The following SPATA16 variants were observed in gnomAD, a reference collection of about 807,000 sequenced individuals.
The protein encoded by SPATA16 is spermatogenesis-associated protein 16.
A neutral mutation model predicts 63.3 loss-of-function variants in SPATA16; 36 were observed. The observed-to-expected ratio is 0.57, with a 90% CI of 0.44 to 0.75. SPATA16 has a LOEUF of 0.75. Ranked by LOEUF, SPATA16 falls within the 30% of genes least tolerant of loss-of-function variation. SPATA16 has a pLI of 0.00. For missense variants in SPATA16, 646 were observed against 679.3 expected (o/e 0.95, Z 0.54); for synonymous variants, 203 against 216.7 (o/e 0.94, Z 0.56).
At chr3:173,130,294 AG>A (rs762206917) in intron 1 of SPATA16, among the ~76,000 whole-genome samples, 85 of 131,546 alleles carry the variant, frequency 6.5e-4, no homozygotes, top group Non-Finnish European at 1.1e-3. Flanking sequence ...TGAGAGTCAG[AG>A]GTTGCAGTGA....
chr3:172,990,044 C>G (rs887178108), intron 4 of SPATA16, among the ~76,000 whole-genome samples: 2 of 152,266 alleles, frequency 1.3e-5, no homozygotes, highest in African/African-American at 4.8e-5. Flanking sequence ...TCTTAGAGCC[C>G]TCTAAGTCTC....
intron 6 of SPATA16, among the ~76,000 whole-genome samples, chr3:172,928,728 GT>G (rs1462991297): frequency 6.6e-6 from 1 of 152,056 alleles, no homozygotes; most frequent in Non-Finnish European, 1.5e-5. Context: ...AATATTCTCT[GT>G]TCCTTCTGAT....
At chr3:173,118,510 G>A (rs893564067) in intron 1 of SPATA16, among the ~76,000 whole-genome samples, 8 of 152,130 alleles carry the variant, frequency 5.3e-5, no homozygotes, top group African/African-American at 1.9e-4. Flanking sequence ...TGCATGCTAT[G>A]TGCTTCTAGA....
intron 2 of SPATA16, among the ~76,000 whole-genome samples, chr3:173,100,660 GCACACACACACACACACA>G (rs3980195): frequency 0.031 from 4,104 of 134,154 alleles, 157 homozygotes; most frequent in African/African-American, 0.1. Flanking sequence ...CACATAAACA[GCACACACACACACACACA>G]CACACACACA....
intron 2 of SPATA16, among the ~76,000 whole-genome samples, chr3:173,054,849 T>C (rs1271405642): frequency 1.3e-5 from 2 of 151,966 alleles, no homozygotes; most frequent in Non-Finnish European, 2.9e-5. Flanking sequence ...AATTCACCAA[T>C]ATAGACCATA....
chr3:173,113,522 A>G (rs1291547619), intron 2 of SPATA16, among the ~76,000 whole-genome samples: 4 of 152,228 alleles, frequency 2.6e-5, no homozygotes, highest in African/African-American at 7.2e-5. Flanking sequence ...CAAAATCCTA[A>G]AAGACTAAAG....
intron 3 of SPATA16, among the ~76,000 whole-genome samples, chr3:173,022,798 C>G (rs933568632): frequency 5.9e-5 from 9 of 151,342 alleles, no homozygotes; most frequent in Non-Finnish European, 1.0e-4. Flanking sequence ...GCTGATTGGT[C>G]TGATTTTATC....
At chr3:173,040,769 TAATAAGA>T (rs919271437) in intron 3 of SPATA16, among the ~76,000 whole-genome samples, 1 of 152,126 alleles carries the variant, frequency 6.6e-6, no homozygotes, top group Admixed American at 6.6e-5. Context: ...AGGGAAATGG[TAATAAGA>T]AAACCTTCTC....
rs1196740135 is a variant in SPATA16 at position 173,068,966 on chromosome 3, C to T, written c.613-19872G>A. ...TCTAATAAAAATACAAAAAATTAGC[C>T]GGGCGTGGTGGCAGGCGCCTGTAGT... On this transcript the variant is annotated intron_variant, in intron 2 of 10. Coordinates refer to ENST00000351008, the MANE Select transcript of SPATA16 (RefSeq NM_031955.6). 8.6e-5 allele frequency among the ~76,000 whole-genome samples: 13 copies of T among 151,120 alleles called. No individual in the cohort carries two copies. The East Asian group carries it at 1.6e-3, about 18-fold the overall frequency.
At chr3:172,925,165 G>T (rs1354165860) in intron 7 of SPATA16, among the ~76,000 whole-genome samples, 181 bp downstream of exon 7, 2 of 151,972 alleles carry the variant, frequency 1.3e-5, no homozygotes, top group Non-Finnish European at 2.9e-5. Context: ...AGTGAGGGGG[G>T]TGGGCATTCC....
chr3:173,023,662 A>G (rs748194296), intron 3 of SPATA16, among the ~76,000 whole-genome samples: 1 of 151,744 alleles, frequency 6.6e-6, no homozygotes, highest in African/African-American at 2.4e-5. Context: ...TCTCTTCTTT[A>G]TTCAAATATT....
chr3:173,116,111 A>G (rs6787203), intron 2 of SPATA16, among the ~76,000 whole-genome samples: 58,739 of 151,910 alleles, frequency 0.39, 13,618 homozygotes, highest in African/African-American at 0.65. Context: ...AGACTGGTCC[A>G]GAATTTCTGG....
chr3:173,019,643 G>A, intron 3 of SPATA16, 68 bp from the exon 4 acceptor site: 1 of 1,406,956 alleles, frequency 7.1e-7, no homozygotes, highest in Non-Finnish European at 1.0e-6. Flanking sequence ...AAGTGCAATG[G>A]AATGAAATCA....
At chr3:173,062,012 A>C (rs1736391256) in intron 2 of SPATA16, among the ~76,000 whole-genome samples, 1 of 143,266 alleles carries the variant, frequency 7.0e-6, no homozygotes, top group South Asian at 2.3e-4. Flanking sequence ...AATCACTCCT[A>C]CTCCTATTTG....
intron 3 of SPATA16, 131 bp from the exon 4 acceptor site, chr3:173,019,706 C>T (rs569672967): frequency 1.4e-5 from 11 of 767,056 alleles, no homozygotes; most frequent in Middle Eastern, 2.6e-4. Context: ...GTGAAAGGAG[C>T]CCTTCCCCGC....
chr3:173,010,471 T>TG lies in SPATA16; in HGVS notation c.848+9014_848+9015insC, dbSNP rs71162323. ...GTGTGTGTGTGTGTGTGTGTGTGTG[T>TG]TTGTTTTTGTTTTTGTGGTGGGGCT... On this transcript the variant is annotated intron_variant, in intron 4 of 10. Transcript: ENST00000351008. Among the ~76,000 whole-genome samples the TG allele has an allele frequency of 2.1e-3, 318 of 148,064 alleles. 1 individual carries two copies. Among genetic ancestry groups the TG allele is most frequent in the African/African-American group, 6.8e-3 (271 of 39,698 alleles).
chr3:172,958,934 C>T (rs928592057), intron 5 of SPATA16, among the ~76,000 whole-genome samples: 1 of 152,134 alleles, frequency 6.6e-6, no homozygotes, highest in Non-Finnish European at 1.5e-5. Context: ...TAATGGAATG[C>T]AGTCTAACTC....
intron 2 of SPATA16, among the ~76,000 whole-genome samples, chr3:173,061,077 A>G (rs976290501): frequency 6.6e-6 from 1 of 152,196 alleles, no homozygotes; most frequent in Non-Finnish European, 1.5e-5. Context: ...GGAAGGGGAA[A>G]AAGAATCCCA....
At chr3:173,030,546 AG>A (rs1735581557) in intron 3 of SPATA16, among the ~76,000 whole-genome samples, 1 of 152,136 alleles carries the variant, frequency 6.6e-6, no homozygotes, top group Non-Finnish European at 1.5e-5. Context: ...CACACCCATT[AG>A]AATAGCTACT....
Sources: allele counts gnomAD v4.1 joint callset (sites outside exome capture counted in the v4.1 genomes callset), GRCh38; gene constraint gnomAD v4.1.1; transcripts MANE v1.5; gene names NCBI Gene and HGNC (gene_info 2026-07-23, HGNC 2026-07-21).